The following CNTLN variants were observed in gnomAD, a reference collection of about 807,000 sequenced individuals.
CNTLN encodes the protein centlein, centrosomal protein.
Under a neutral mutation model 180.0 loss-of-function variants are expected in CNTLN, and 212 were observed. The ratio of observed to expected loss-of-function variants is 1.18; its 90% CI spans 1.05 to 1.32. The LOEUF is 1.32. CNTLN is among the 40% of genes most tolerant of loss of function. CNTLN has a pLI of 0.00. For synonymous variants in CNTLN, 722 were observed against 563.1 expected (o/e 1.28, Z -3.99); for missense variants, 2,095 against 1,610.9 (o/e 1.30, Z -5.14).
At chr9:17,454,164 A>G (rs1830974432) in intron 18 of CNTLN, among the ~76,000 whole-genome samples, 1 of 152,172 alleles carries the variant, frequency 6.6e-6, no homozygotes, top group East Asian at 1.9e-4. Flanking sequence ...TTCTTCTTAC[A>G]GTCGCTTAGA....
At chr9:17,177,705 T>G (rs1820812915) in intron 2 of CNTLN, among the ~76,000 whole-genome samples, 1 of 152,102 alleles carries the variant, frequency 6.6e-6, no homozygotes, top group Non-Finnish European at 1.5e-5. Context: ...AGTGGGTTTG[T>G]GGTCTCGATG....
At chr9:17,235,881 G>A in intron 4 of CNTLN, 89 bp downstream of exon 4, 1 of 1,418,810 alleles carries the variant, frequency 7.0e-7, no homozygotes, top group African/African-American at 1.5e-5. Flanking sequence ...GAAAGTGACA[G>A]ATTTGGAGGA....
chr9:17,348,695 A>C (rs1261286180), intron 12 of CNTLN, among the ~76,000 whole-genome samples: 1 of 151,614 alleles, frequency 6.6e-6, no homozygotes, highest in Non-Finnish European at 1.5e-5. Context: ...CACGCGGGGC[A>C]AATTTTTGTA....
At chr9:17,433,070 C>A (rs550351351) in intron 18 of CNTLN, among the ~76,000 whole-genome samples, 3 of 146,458 alleles carry the variant, frequency 2.0e-5, no homozygotes, top group Non-Finnish European at 4.5e-5. Context: ...AAATGTCTAA[C>A]CTCCAAATCT....
chr9:17,448,024 T>C (rs1053041090), intron 18 of CNTLN: 11 of 153,210 alleles, frequency 7.2e-5, no homozygotes, highest in South Asian at 2.0e-4. Context: ...AGAAAGGCCA[T>C]GGGAAGCGTC....
intron 12 of CNTLN, among the ~76,000 whole-genome samples, chr9:17,344,055 A>G (rs1821691800): frequency 6.6e-6 from 1 of 152,230 alleles, no homozygotes; most frequent in South Asian, 2.1e-4. Flanking sequence ...TCTCTAAAAA[A>G]GAAAGTAATT....
chr9:17,360,946 G>T (rs956257073), intron 12 of CNTLN, among the ~76,000 whole-genome samples: 26 of 152,050 alleles, frequency 1.7e-4, no homozygotes, highest in African/African-American at 5.6e-4. Context: ...CAAGTTTTTT[G>T]ATAGTGTTTT....
At chr9:17,271,958 T>C (rs1344201593) in intron 5 of CNTLN, among the ~76,000 whole-genome samples, 1 of 152,174 alleles carries the variant, frequency 6.6e-6, no homozygotes, top group Non-Finnish European at 1.5e-5. Flanking sequence ...ATATTCTGTA[T>C]ATTTATAGTC....
intron 1 of CNTLN, among the ~76,000 whole-genome samples, chr9:17,136,397 T>TCA (rs1324590330): frequency 6.6e-6 from 1 of 152,228 alleles, no homozygotes; most frequent in African/African-American, 2.4e-5. Context: ...TGGTGCAGTC[T>TCA]CAGCTCACTG....
intron 5 of CNTLN, among the ~76,000 whole-genome samples, chr9:17,240,870 T>A (rs28863291): frequency 1.3e-5 from 2 of 152,140 alleles, no homozygotes; most frequent in Admixed American, 1.3e-4. Context: ...CCTTTTTTTT[T>A]ATTTTTGAGG....
intron 2 of CNTLN, among the ~76,000 whole-genome samples, chr9:17,218,799 A>G (rs1403981224): frequency 1.3e-5 from 2 of 152,122 alleles, no homozygotes; most frequent in Non-Finnish European, 2.9e-5. Flanking sequence ...TCACTGCCTC[A>G]TTTATAGTTG....
In CNTLN at chr9:17,346,226, C is replaced by T. The variant is rs1300286908; in HGVS notation, c.1886+3782C>T. ...AGAGTCCCATATAAAACCATCAGATCTCACTAGCATGAGAACACACCAGCA... is the reference window on the plus strand; with the variant it reads ...AGAGTCCCATATAAAACCATCAGATTTCACTAGCATGAGAACACACCAGCA... On this transcript the variant is annotated intron_variant, in intron 12 of 25. Coordinates refer to ENST00000380647, the MANE Select transcript of CNTLN (RefSeq NM_017738.4). 5.3e-5 allele frequency among the ~76,000 whole-genome samples: 8 copies of T among 152,036 alleles called. 1 individual carries two copies. Among genetic ancestry groups the T allele is most frequent in the Non-Finnish European group, 1.2e-4 (8 of 68,000 alleles).
At chr9:17,298,642 T>C in intron 7 of CNTLN, 1 of 1,040,296 alleles carries the variant, frequency 9.6e-7, no homozygotes, top group Non-Finnish European at 1.2e-6. Flanking sequence ...ATACTAGGAG[T>C]ATAGTCTCAA....
At chr9:17,402,424 A>C (rs1279708038) in intron 15 of CNTLN, among the ~76,000 whole-genome samples, 1 of 151,822 alleles carries the variant, frequency 6.6e-6, no homozygotes, top group Non-Finnish European at 1.5e-5. Flanking sequence ...CTATACCAAA[A>C]GACCAGAACT....
At chr9:17,261,165 T>C (rs1296501282) in intron 5 of CNTLN, among the ~76,000 whole-genome samples, 1 of 151,552 alleles carries the variant, frequency 6.6e-6, no homozygotes, top group South Asian at 2.1e-4. Flanking sequence ...ATTGGGCTTT[T>C]TGGTTTCATA....
chr9:17,252,480 A>G (rs113425141), intron 5 of CNTLN, among the ~76,000 whole-genome samples: 3 of 151,572 alleles, frequency 2.0e-5, no homozygotes, highest in Admixed American at 6.6e-5. Flanking sequence ...TTTGATTTGC[A>G]TTTTCCTGAT....
chr9:17,388,128 G>T, intron 13 of CNTLN, 34 bp from the exon 14 acceptor site: 3 of 1,381,532 alleles, frequency 2.2e-6, no homozygotes, highest in Middle Eastern at 1.8e-4. Flanking sequence ...AGCAGTACAC[G>T]TGGTATCATA....
chr9:17,300,950 A>G (rs1333270651), intron 7 of CNTLN: 1 of 978,872 alleles, frequency 1.0e-6, no homozygotes, highest in South Asian at 4.7e-5. Context: ...CAACTCTTAC[A>G]GTTTAAAATT....
At position 17,270,947 on chromosome 9, in the gene CNTLN, C is replaced by CTTTTTTT. The variant is rs78896738; in HGVS notation, c.850-2771_850-2765dup. Among the ~76,000 whole-genome samples the CTTTTTTT allele has an allele frequency of 1.7e-3, 209 of 122,080 alleles. 6 individuals are homozygous for CTTTTTTT. Among genetic ancestry groups the CTTTTTTT allele is most frequent in the African/African-American group, 2.5e-3 (77 of 30,324 alleles). 80.1% of individuals were successfully genotyped at this position (122,080 alleles called of 152,430 possible). On this transcript the variant is annotated intron_variant, in intron 5 of 25. Coordinates refer to ENST00000380647, the MANE Select transcript of CNTLN (RefSeq NM_017738.4). Reference sequence around the variant, plus strand: ...AGGGCATTTCCTTCAGAGAGGAGTTCTTTTTTTTTTTTTTTTTTTTTGAGA... The same window carrying CTTTTTTT: ...AGGGCATTTCCTTCAGAGAGGAGTTCTTTTTTTTTTTTTTTTTTTTTTTTTTTTGAGA...
Sources: allele counts gnomAD v4.1 joint callset (sites outside exome capture counted in the v4.1 genomes callset), GRCh38; gene constraint gnomAD v4.1.1; transcripts MANE v1.5; gene names NCBI Gene and HGNC (gene_info 2026-07-23, HGNC 2026-07-21).